Variants in PAPPA2 observed in about 807,000 individuals in gnomAD.
The protein encoded by PAPPA2 is pappalysin-2.
In PAPPA2, 86 loss-of-function variants were observed where a neutral mutation model predicts 176.4. The ratio of observed to expected loss-of-function variants is 0.49; its 90% CI spans 0.41 to 0.58. The LOEUF is 0.58. Among genes scored for constraint, PAPPA2 ranks in the 20% least tolerant of loss-of-function variants. The pLI is 0.00. For synonymous variants in PAPPA2, 809 were observed against 852.2 expected, an observed-to-expected ratio of 0.95 and a Z score of 0.88; for missense variants, 2,073 against 2,256.9, an observed-to-expected ratio of 0.92 and a Z score of 1.65.
Position 176,616,569 on chromosome 1 carries a change from G to T in PAPPA2, c.1991+20974G>T, listed in dbSNP as rs755246853. On this transcript the variant is annotated intron_variant, in intron 3 of 22. Transcript: ENST00000367662. ...AGCAACAATCTGGTTGGATGGTGGT[G>T]CACCATCACCAAAAGGCCAATTGAG... The T allele has an allele frequency of 4.1e-4, 600 of 1,469,660 alleles. 2 individuals carry two copies. The highest frequency in any genetic ancestry group is 1.6e-3 in the South Asian group (144 of 87,948). The allele number at this position is 1,469,660 out of a possible 1,614,324, so 91.0% of individuals were successfully genotyped here. A position where few individuals can be genotyped will look rare whatever the true frequency, so the allele number is the denominator to read the frequency against.
intron 21 of PAPPA2, among the ~76,000 whole-genome samples, chr1:176,811,906 C>T (rs757197803): frequency 6.6e-6 from 1 of 152,030 alleles, no homozygotes; most frequent in Non-Finnish European, 1.5e-5. Flanking sequence ...CACCCCTACA[C>T]CCCCTACCTT....
intron 3 of PAPPA2, among the ~76,000 whole-genome samples, chr1:176,645,285 C>G (rs949330622): frequency 6.6e-6 from 1 of 151,666 alleles, no homozygotes; most frequent in African/African-American, 2.4e-5. Context: ...ACAATTCTAC[C>G]CTCTATCTTT....
chr1:176,686,338 C>T (rs933287205), intron 4 of PAPPA2, among the ~76,000 whole-genome samples: 5 of 152,070 alleles, frequency 3.3e-5, no homozygotes, highest in Non-Finnish European at 5.9e-5. Context: ...ATGGGAAATG[C>T]CAGACACTTA....
At chr1:176,512,987 T>C (rs529779072) in intron 1 of PAPPA2, among the ~76,000 whole-genome samples, 4 of 152,288 alleles carry the variant, frequency 2.6e-5, no homozygotes, top group Admixed American at 2.6e-4. Flanking sequence ...GATAGCCTGA[T>C]CCTTCTGCAA....
intron 14 of PAPPA2, among the ~76,000 whole-genome samples, chr1:176,761,787 C>G (rs1663711228): frequency 6.6e-6 from 1 of 152,192 alleles, no homozygotes; most frequent in Non-Finnish European, 1.5e-5. Flanking sequence ...CTCCAAACAG[C>G]TTTAGTTTTC....
At chr1:176,491,037 T>C (rs1307467817) in intron 1 of PAPPA2, among the ~76,000 whole-genome samples, 55 of 152,358 alleles carry the variant, frequency 3.6e-4, no homozygotes, top group East Asian at 1.9e-4. Context: ...GCTGGTTCTC[T>C]AACTGGCTTT....
intron 8 of PAPPA2, among the ~76,000 whole-genome samples, chr1:176,700,375 G>A (rs1333501555): frequency 1.3e-5 from 2 of 152,246 alleles, no homozygotes; most frequent in African/African-American, 4.8e-5. Context: ...CAGAGATACT[G>A]TCAGTTAGTT....
chr1:176,763,364 C>G (rs1163759150), intron 14 of PAPPA2, among the ~76,000 whole-genome samples: 1 of 152,158 alleles, frequency 6.6e-6, no homozygotes, highest in Non-Finnish European at 1.5e-5. Flanking sequence ...CAGATCGAGG[C>G]CTTCCTAACA....
At chr1:176,546,378 G>T (rs766221085) in intron 1 of PAPPA2, among the ~76,000 whole-genome samples, 12 of 152,064 alleles carry the variant, frequency 7.9e-5, no homozygotes, top group Admixed American at 3.3e-4. Context: ...CAATTTGGGT[G>T]GGGAATATGA....
At chr1:176,770,881 G>C in intron 16 of PAPPA2, 86 bp from the exon 17 acceptor site, 1 of 1,301,466 alleles carries the variant, frequency 7.7e-7, no homozygotes, top group Non-Finnish European at 1.1e-6. Flanking sequence ...GCACCAGTAA[G>C]TTCAGAGGTT....
At chr1:176,661,156 C>G (rs569778221) in intron 3 of PAPPA2, among the ~76,000 whole-genome samples, 1 of 152,188 alleles carries the variant, frequency 6.6e-6, no homozygotes, top group African/African-American at 2.4e-5. Flanking sequence ...AATATATCTT[C>G]CCTGACCTTT....
chr1:176,793,672 G>A lies in PAPPA2; in HGVS notation c.5130+3G>A. ...GGATGGAACCTGTCAAAGTCCAGGT[G>A]AGGAAAGGGACATTGTTATGTGCCA... On this transcript the variant is annotated splice_donor_region_variant and intron_variant, in intron 20 of 22. Coordinates refer to ENST00000367662, the MANE Select transcript of PAPPA2 (RefSeq NM_020318.3). 3.2e-6 allele frequency: 5 copies of A among 1,584,166 alleles called. No individual in the cohort carries two copies. In the South Asian group the frequency reaches 4.5e-5, roughly 14 times the overall value.
chr1:176,718,064 G>A (rs1164411982), intron 12 of PAPPA2, among the ~76,000 whole-genome samples: 1 of 152,034 alleles, frequency 6.6e-6, no homozygotes, highest in Non-Finnish European at 1.5e-5. Flanking sequence ...AACTATCTGA[G>A]CCTGGTGTTT....
intron 12 of PAPPA2, among the ~76,000 whole-genome samples, chr1:176,721,411 T>A (rs1661611624): frequency 6.6e-6 from 1 of 152,178 alleles, no homozygotes; most frequent in Non-Finnish European, 1.5e-5. Flanking sequence ...GCTTCCACTA[T>A]TTTTGTTTAG....
In PAPPA2 at chr1:176,740,084, TC is replaced by T; in HGVS notation, c.4043del (p.Pro1348HisfsTer10). 6.2e-7 allele frequency: 1 copy of T among 1,613,874 alleles called. No individual in the cohort carries two copies. The highest frequency in any genetic ancestry group is 8.5e-7 in the Non-Finnish European group (1 of 1,179,860). ...CACCTCAGTGCTGCTGAATTTCTCATCCCCACGGGTCGGCATCTCAGCTGTG... is the reference window on the plus strand; with the variant it reads ...CACCTCAGTGCTGCTGAATTTCTCATCCCACGGGTCGGCATCTCAGCTGTG... The part of the protein sequence containing the change: ...HTTSVLLNFS[S>X]PRVGISAVAL... On this transcript the variant is annotated frameshift_variant, in exon 14 of 23. Coordinates refer to ENST00000367662, the MANE Select transcript of PAPPA2 (RefSeq NM_020318.3). LOFTEE classifies it high-confidence loss of function.
intron 3 of PAPPA2, among the ~76,000 whole-genome samples, chr1:176,603,131 G>C (rs1220487159): frequency 6.6e-6 from 1 of 152,216 alleles, no homozygotes; most frequent in Non-Finnish European, 1.5e-5. Flanking sequence ...TTTTTCCAGA[G>C]AGACCCCAGT....
chr1:176,493,140 T>A (rs1024484183), intron 1 of PAPPA2, among the ~76,000 whole-genome samples: 2 of 152,196 alleles, frequency 1.3e-5, no homozygotes, highest in African/African-American at 4.8e-5. Flanking sequence ...GTGATTATGA[T>A]TCCATGATAT....
At chr1:176,718,646 G>T (rs1425813095) in intron 12 of PAPPA2, among the ~76,000 whole-genome samples, 1 of 148,952 alleles carries the variant, frequency 6.7e-6, no homozygotes, top group African/African-American at 2.5e-5. Context: ...TTACTCCTGA[G>T]TTATTTATAA....
chr1:176,542,561 C>G (rs1393821411), intron 1 of PAPPA2, among the ~76,000 whole-genome samples: 3 of 152,192 alleles, frequency 2.0e-5, no homozygotes, highest in Non-Finnish European at 4.4e-5. Flanking sequence ...TGCCAGTCTA[C>G]CAAGCCTGCC....
Sources: allele counts gnomAD v4.1 joint callset (sites outside exome capture counted in the v4.1 genomes callset), GRCh38; gene constraint gnomAD v4.1.1; transcripts MANE v1.5; gene names NCBI Gene and HGNC (gene_info 2026-07-23, HGNC 2026-07-21).